Variants in DCUN1D5 observed in about 807,000 individuals in gnomAD.
DCUN1D5 encodes DCN1-like protein 5.
A neutral mutation model predicts 38.3 loss-of-function variants in DCUN1D5; 10 were observed. The ratio of observed to expected loss-of-function variants is 0.26; its 90% confidence interval spans 0.16 to 0.44. The LOEUF (loss-of-function observed/expected upper bound fraction) is 0.44. Ranked by LOEUF, DCUN1D5 falls within the 20% of genes least tolerant of loss-of-function variation. The pLI, the probability that DCUN1D5 is intolerant of heterozygous loss-of-function variation, is 1.00. For synonymous variants in DCUN1D5, 93 were observed against 90.9 expected (o/e 1.02, Z -0.13); for missense variants, 148 against 275.3 (o/e 0.54, Z 3.27).
intron 4 of DCUN1D5, among the ~76,000 whole-genome samples, chr11:103,072,582 T>C (rs1862304855): frequency 6.6e-6 from 1 of 151,666 alleles, no homozygotes; most frequent in Admixed American, 6.6e-5. Context: ...TATCCAGCCA[T>C]AAAAAAGGAT....
At position 103,073,893 on chromosome 11, in the gene DCUN1D5, T is replaced by G. The variant is rs1255198135; in HGVS notation, c.342-7326A>C. 6.6e-6 allele frequency among the ~76,000 whole-genome samples: 1 copy of G among 152,002 alleles called. No individual in the cohort carries two copies. Among genetic ancestry groups the G allele is most frequent in the Non-Finnish European group, 1.5e-5 (1 of 67,990 alleles). ...TTTGAGACCAGCCTGGCCAACATGG[T>G]GAAATCCTGTCACTACTAAAAAATA... On this transcript the variant is annotated intron_variant, in intron 4 of 7. Transcript: ENST00000260247. This position sits in a 1 kb window ranked among gnomAD's most constrained non-coding sequence, Gnocchi z 4.2.
chr11:103,076,740 A>G (rs1862416550), intron 4 of DCUN1D5, among the ~76,000 whole-genome samples: 1 of 152,206 alleles, frequency 6.6e-6, no homozygotes, highest in Non-Finnish European at 1.5e-5. Context: ...ATTAAATGAG[A>G]ATCCATGTGT....
rs1862857394 is a variant in DCUN1D5, at chr11:103,091,279, A to G, written c.86+508T>C. Among the ~76,000 whole-genome samples the G allele has an allele frequency of 6.6e-6, 1 of 152,046 alleles. No individual in the cohort carries two copies. Among genetic ancestry groups the G allele is most frequent in the Non-Finnish European group, 1.5e-5 (1 of 68,018 alleles). On this transcript the variant is annotated intron_variant, in intron 1 of 7. Coordinates refer to ENST00000260247, the MANE Select transcript of DCUN1D5 (RefSeq NM_032299.4). This position sits in a 1 kb window ranked among gnomAD's most constrained non-coding sequence, Gnocchi z 4.3. ...CCTTCCGGGTTAGGCCACTCCAAATACTAAATATGGAGGCCAATTATAGCA... is the reference window on the plus strand; with the variant it reads ...CCTTCCGGGTTAGGCCACTCCAAATGCTAAATATGGAGGCCAATTATAGCA...
chr11:103,080,071 CT>C (rs1311598779), intron 4 of DCUN1D5: 20 of 152,258 alleles, frequency 1.3e-4, no homozygotes, highest in African/African-American at 4.8e-4. Context: ...ATATAGATGA[CT>C]AATCATGATT....
chr11:103,081,025 G>A (rs1862550696), intron 4 of DCUN1D5, among the ~76,000 whole-genome samples: 2 of 151,478 alleles, frequency 1.3e-5, no homozygotes, highest in Admixed American at 1.3e-4. Context: ...AAAAAAACAT[G>A]CTCATGGGCT....
chr11:103,065,183 G>A lies in DCUN1D5; in HGVS notation c.556-806C>T, dbSNP rs1210445079. Among the ~76,000 whole-genome samples the A allele has an allele frequency of 4.7e-5, 7 of 148,812 alleles. No individual in the cohort carries two copies. The highest frequency in any genetic ancestry group is 4.2e-4 in the South Asian group (2 of 4,724). On this transcript the variant is annotated intron_variant, in intron 6 of 7. Transcript: ENST00000260247. The surrounding 1 kb of genome is among the most constrained non-coding windows in gnomAD (Gnocchi z 4.6). ...TTTTTTTTTTCTGAGACAGAGTCTC[G>A]TTCTGTCACCCAGGCTGGAGTGTAG... is the stretch of plus-strand genomic sequence containing the variant.
rs895785590 is a variant in DCUN1D5, at chr11:103,066,640, G to A, written c.342-73C>T. 6 of 842,372 alleles carry A rather than the reference G, an allele frequency of 7.1e-6. No homozygotes were observed. Among genetic ancestry groups the A allele is most frequent in the East Asian group, 5.3e-5 (2 of 37,696 alleles). The allele number at this position is 842,372 out of a possible 1,614,324, so 52.2% of individuals were successfully genotyped here. A position where few individuals can be genotyped will look rare whatever the true frequency, so the allele number is the denominator to read the frequency against. ...ATAAAAGTATCACTGGGGGTTAGAC[G>A]TAATGCATTAAGAAAAAAGTGAGCG... On this transcript the variant is annotated intron_variant, in intron 4 of 7. Transcript: ENST00000260247. The surrounding 1 kb of genome is among the most constrained non-coding windows in gnomAD (Gnocchi z 4.7).
rs1183530553 is a variant in DCUN1D5, at chr11:103,057,092, C to G, written c.*5267G>C. Reference sequence around the variant, plus strand: ...AACTCTCTCTCAATAGGCATAGTTTCAGGGAATAATGTAAATTTCAAATAG... The same window carrying G: ...AACTCTCTCTCAATAGGCATAGTTTGAGGGAATAATGTAAATTTCAAATAG... On this transcript the variant is annotated 3_prime_UTR_variant, in exon 8 of 8. Coordinates refer to ENST00000260247, the MANE Select transcript of DCUN1D5 (RefSeq NM_032299.4). This position sits in a 1 kb window ranked among gnomAD's most constrained non-coding sequence, Gnocchi z 4.8. 6.6e-6 allele frequency among the ~76,000 whole-genome samples: 1 copy of G among 152,112 alleles called. No individual in the cohort carries two copies. The highest frequency in any genetic ancestry group is 2.4e-5 in the African/African-American group (1 of 41,404).
rs979042961 is a variant in DCUN1D5, at chr11:103,053,500, G to A, written c.*8859C>T. ...ATTTCAAAATAGCTAAAGAGAATTC[G>A]AATGTTCCTAGTGTAAAGAAAACAT... On this transcript the variant is annotated 3_prime_UTR_variant, in exon 8 of 8. Transcript: ENST00000260247. This position sits in a 1 kb window ranked among gnomAD's most constrained non-coding sequence, Gnocchi z 4.8. The A allele has an allele frequency of 6.6e-6, 1 of 151,954 alleles. No individual in the cohort carries two copies. The highest frequency in any genetic ancestry group is 2.4e-5 in the African/African-American group (1 of 41,402). The allele number at this position is 151,954 out of a possible 1,614,324, so 9.4% of individuals were successfully genotyped here.
intron 4 of DCUN1D5, among the ~76,000 whole-genome samples, chr11:103,075,973 G>T (rs182018841): frequency 6.6e-6 from 1 of 152,276 alleles, no homozygotes; most frequent in East Asian, 1.9e-4. Context: ...ATGGGGATAT[G>T]CAAAGCAAAT....
Position 103,077,821 on chromosome 11 carries a change from C to A in DCUN1D5, c.341+4927G>T, listed in dbSNP as rs531362902. Among the ~76,000 whole-genome samples the A allele has an allele frequency of 1.1e-4, 16 of 152,230 alleles. 2 individuals are homozygous for A. Among genetic ancestry groups the A allele is most frequent in the Admixed American group, 9.8e-4 (15 of 15,294 alleles). Reference sequence around the variant, plus strand: ...TCTAAATAAGCTTTCTCAACCAGAACAATACCATCTACTTCTAGGGGTATT... The same window carrying A: ...TCTAAATAAGCTTTCTCAACCAGAAAAATACCATCTACTTCTAGGGGTATT... On this transcript the variant is annotated intron_variant, in intron 4 of 7. Coordinates refer to ENST00000260247, the MANE Select transcript of DCUN1D5 (RefSeq NM_032299.4). This position sits in a 1 kb window ranked among gnomAD's most constrained non-coding sequence, Gnocchi z 4.3.
chr11:103,061,649 T>A lies in DCUN1D5; in HGVS notation c.*710A>T, dbSNP rs1862013439. 6.7e-6 allele frequency among the ~76,000 whole-genome samples: 1 copy of A among 149,310 alleles called. No homozygotes were observed. Among genetic ancestry groups the A allele is most frequent in the African/African-American group, 2.4e-5 (1 of 40,872 alleles). On this transcript the variant is annotated 3_prime_UTR_variant, in exon 8 of 8. Transcript: ENST00000260247. ...ACAAAATTCCCTATATAATGACAGT[T>A]AAAAATATAAATATGCTATTATCAA...
At position 103,066,141 on chromosome 11, in the gene DCUN1D5, A is replaced by G. The variant is rs1314856489; in HGVS notation, c.555+128T>C. 9.2e-6 allele frequency: 5 copies of G among 542,696 alleles called. No individual in the cohort carries two copies. Among genetic ancestry groups the G allele is most frequent in the Non-Finnish European group, 1.6e-5 (5 of 313,604 alleles). 33.6% of individuals were successfully genotyped at this position (542,696 alleles called of 1,614,324 possible). ...TCTAAAAATAGCAACTGATATGTACATATTTTAGAATTTTTTCTCTAAAGT... is the reference window on the plus strand; with the variant it reads ...TCTAAAAATAGCAACTGATATGTACGTATTTTAGAATTTTTTCTCTAAAGT... On this transcript the variant is annotated intron_variant, in intron 6 of 7. Transcript: ENST00000260247. The surrounding 1 kb of genome is among the most constrained non-coding windows in gnomAD (Gnocchi z 4.7).
intron 4 of DCUN1D5, among the ~76,000 whole-genome samples, chr11:103,070,114 C>CAA (rs60686420): frequency 7.6e-6 from 1 of 131,942 alleles, no homozygotes; most frequent in Non-Finnish European, 1.6e-5. Flanking sequence ...AAAGTCTCAG[C>CAA]AAAAAAAAAA....
Position 103,064,850 on chromosome 11 carries a change from GTTAC to G in DCUN1D5, c.556-477_556-474del, listed in dbSNP as rs1301640859. Among the ~76,000 whole-genome samples the G allele has an allele frequency of 1.3e-5, 2 of 152,160 alleles. No individual in the cohort carries two copies. Among genetic ancestry groups the G allele is most frequent in the Non-Finnish European group, 2.9e-5 (2 of 68,012 alleles). ...CACTTAATTGAGTGATTTTGGGAAA[GTTAC>G]TTAAGAATAGAAACCACCTCCTCAT... On this transcript the variant is annotated intron_variant, in intron 6 of 7. Coordinates refer to ENST00000260247, the MANE Select transcript of DCUN1D5 (RefSeq NM_032299.4). The surrounding 1 kb of genome is among the most constrained non-coding windows in gnomAD (Gnocchi z 4.5).
Position 103,071,896 on chromosome 11 carries a change from A to C in DCUN1D5, c.342-5329T>G, listed in dbSNP as rs1018542213. 6.6e-6 allele frequency among the ~76,000 whole-genome samples: 1 copy of C among 151,418 alleles called. No individual in the cohort carries two copies. The highest frequency in any genetic ancestry group is 2.4e-5 in the African/African-American group (1 of 41,422). The stretch of plus-strand genomic sequence containing the variant: ...AACATAAAAGATTAAGAAAATTTAA[A>C]ATATTTAAAAAAAGAAAAATTTATT... On this transcript the variant is annotated intron_variant, in intron 4 of 7. Coordinates refer to ENST00000260247, the MANE Select transcript of DCUN1D5 (RefSeq NM_032299.4). The surrounding 1 kb of genome is among the most constrained non-coding windows in gnomAD (Gnocchi z 4.1).
rs796905027 is a variant in DCUN1D5 at position 103,065,623 on chromosome 11, T to TA, written c.555+645dup. On this transcript the variant is annotated intron_variant, in intron 6 of 7. Coordinates refer to ENST00000260247, the MANE Select transcript of DCUN1D5 (RefSeq NM_032299.4). This position sits in a 1 kb window ranked among gnomAD's most constrained non-coding sequence, Gnocchi z 4.6. ...AATTACAAAGGCACAAAAACAGATT[T>TA]AAAAAAAAAAAACTAGACAAAGCAA... Among the ~76,000 whole-genome samples, 1,590 of 144,328 alleles carry TA rather than the reference T, an allele frequency of 0.011. 15 individuals carry two copies. The highest frequency in any genetic ancestry group is 0.033 in the African/African-American group (1,318 of 39,742). The allele number at this position is 144,328 out of a possible 152,430, so 94.7% of individuals were successfully genotyped here.
chr11:103,052,277 T>C lies in DCUN1D5; in HGVS notation c.*10082A>G, dbSNP rs1484904356. The stretch of plus-strand genomic sequence containing the variant: ...TGTAAACGTTTTACAGACATATGTG[T>C]ACAATTGGTCATTCATTCATTAATT... On this transcript the variant is annotated 3_prime_UTR_variant, in exon 8 of 8. Coordinates refer to ENST00000260247, the MANE Select transcript of DCUN1D5 (RefSeq NM_032299.4). The C allele has an allele frequency of 6.6e-6, 1 of 152,224 alleles. No individual in the cohort carries two copies. Among genetic ancestry groups the C allele is most frequent in the African/African-American group, 2.4e-5 (1 of 41,462 alleles). 9.4% of individuals were successfully genotyped at this position (152,224 alleles called of 1,614,324 possible).
chr11:103,081,677 T>C (rs974468656), intron 4 of DCUN1D5, among the ~76,000 whole-genome samples: 1 of 152,102 alleles, frequency 6.6e-6, no homozygotes, highest in African/African-American at 2.4e-5. Flanking sequence ...TCTCAGACTA[T>C]TAAAAAAATG....
Sources: gnomAD v4.1 joint callset for allele counts (sites outside exome capture counted in the v4.1 genomes callset) on GRCh38, gnomAD v4.1.1 for gene constraint, Gnocchi (gnomAD v3.1) non-coding constraint, MANE v1.5 for transcripts, NCBI Gene and HGNC (gene_info 2026-07-23, HGNC 2026-07-21) for gene names.